The following TMEM232 variants were observed in gnomAD, a reference collection of about 807,000 sequenced individuals.
TMEM232 encodes the protein transmembrane protein 232.
TMEM232 carries 80 observed loss-of-function variants against 78.8 expected under a neutral mutation model. That is an observed-to-expected ratio of 1.01 (90% CI 0.85 to 1.22). The LOEUF is 1.22. Ranked by LOEUF, TMEM232 falls within the 50% of genes most tolerant of loss-of-function variation. The pLI is 0.00. For missense variants in TMEM232, 881 were observed against 742.2 expected (o/e 1.19, Z -2.17); for synonymous variants, 297 against 254.3 (o/e 1.17, Z -1.60).
At chr5:110,661,815 C>T (rs1789839212) in intron 2 of TMEM232, among the ~76,000 whole-genome samples, 1 of 152,208 alleles carries the variant, frequency 6.6e-6, no homozygotes, top group African/African-American at 2.4e-5. Context: ...GCATCCATTA[C>T]TGTCTTTCTA....
At chr5:110,651,218 C>T (rs1788256234) in intron 2 of TMEM232, among the ~76,000 whole-genome samples, 1 of 152,030 alleles carries the variant, frequency 6.6e-6, no homozygotes, top group Non-Finnish European at 1.5e-5. Context: ...AACAAGAACA[C>T]CATATATCAA....
rs1825930 is a variant in TMEM232, at chr5:110,505,646, A to G, written c.1703+22942T>C. ...CTCAGCCTCCCGAGCAGCTGGAACTACAGAAGTGCACAACCACGCCCTAAT... is the reference window on the plus strand; with the variant it reads ...CTCAGCCTCCCGAGCAGCTGGAACTGCAGAAGTGCACAACCACGCCCTAAT... On this transcript the variant is annotated intron_variant, in intron 12 of 13. Transcript: ENST00000455884. Among the ~76,000 whole-genome samples the G allele has an allele frequency of 8.9e-3, 1,351 of 152,160 alleles. 5 individuals carry two copies. Among genetic ancestry groups the G allele is most frequent in the Non-Finnish European group, 0.014 (981 of 67,992 alleles).
chr5:110,606,186 C>T lies in TMEM232; in HGVS notation c.1004G>A (p.Ser335Asn), dbSNP rs73224392. ...LMDVVRDFVS[S>N]IMSVQNQEES... ...TACCTGATTTTGAACAGACATAATG[C>T]TTGAAACAAAATCTCTCACTACGTC... The change falls in exon 9 of 14, where the codon AGC becomes AAC. Residue 335 changes from serine to asparagine, a missense_variant. Ser to Asn is a conservative substitution (Grantham distance 46). Transcript: ENST00000455884. 8.6e-3 allele frequency: 13,376 copies of T among 1,547,406 alleles called. 1,003 individuals carry two copies. In the African/African-American group the frequency reaches 0.16, roughly 18 times the overall value.
rs188284605 is a variant in TMEM232 at position 110,616,625 on chromosome 5, A to G, written c.902+1804T>C. Among the ~76,000 whole-genome samples the G allele has an allele frequency of 1.3e-4, 20 of 152,240 alleles. No individual in the cohort carries two copies. The East Asian group carries it at 1.4e-3, about 10-fold the overall frequency. On this transcript the variant is annotated intron_variant, in intron 8 of 13. Transcript: ENST00000455884. ...TAATAACAAGAAAACAAATAGCCCA[A>G]TGAAAAAATGGGTAAAGGACCTAAA...
Position 110,424,157 on chromosome 5 carries a change from A to G in TMEM232, c.1797+666T>C, listed in dbSNP as rs553471319. On this transcript the variant is annotated intron_variant, in intron 13 of 13. Transcript: ENST00000455884. ...GATTACTACTTAAAAGTAGTGTGAAAAAATTAATTGTTAATTTAATTGCAA... is the reference window on the plus strand; with the variant it reads ...GATTACTACTTAAAAGTAGTGTGAAGAAATTAATTGTTAATTTAATTGCAA... Among the ~76,000 whole-genome samples the G allele has an allele frequency of 1.3e-3, 203 of 152,230 alleles. 1 individual carries two copies. The highest frequency in any genetic ancestry group is 4.7e-3 in the African/African-American group (197 of 41,556).
rs183403362 is a variant in TMEM232 at position 110,676,841 on chromosome 5, C to T, written c.-12-9477G>A. 2.6e-3 allele frequency among the ~76,000 whole-genome samples: 390 copies of T among 152,046 alleles called. 1 individual carries two copies. Among genetic ancestry groups the T allele is most frequent in the Middle Eastern group, 3.4e-3 (1 of 294 alleles). ...TGGAGCAATTTCGGCTCATCGCAAC[C>T]TCCACCTCCCCGGTTCGAGCGATTC... On this transcript the variant is annotated intron_variant, in intron 1 of 13. Coordinates refer to ENST00000455884, the MANE Select transcript of TMEM232 (RefSeq NM_001039763.4).
At chr5:110,727,580 G>A (rs1254897929), upstream of TMEM232, among the ~76,000 whole-genome samples, 3 of 152,070 alleles carry the variant, frequency 2.0e-5, no homozygotes, top group East Asian at 3.9e-4. Context: ...CTGCACCCCA[G>A]CCTGGGAAAC....
chr5:110,655,721 C>T (rs1297413359), intron 2 of TMEM232, among the ~76,000 whole-genome samples: 1 of 151,574 alleles, frequency 6.6e-6, no homozygotes, highest in Non-Finnish European at 1.5e-5. Context: ...GAATACTATG[C>T]AGCCATAAAA....
intron 12 of TMEM232, among the ~76,000 whole-genome samples, chr5:110,478,647 T>C (rs764369855): frequency 5.3e-5 from 8 of 151,830 alleles, no homozygotes; most frequent in Non-Finnish European, 1.0e-4. Flanking sequence ...CTATGAAAAT[T>C]CATTTATGGG....
At chr5:110,515,419 T>C (rs1307484845) in intron 12 of TMEM232, among the ~76,000 whole-genome samples, 1 of 152,112 alleles carries the variant, frequency 6.6e-6, no homozygotes, top group African/African-American at 2.4e-5. Flanking sequence ...CATCATCCCG[T>C]CCCTTAGATG....
At chr5:110,423,208 G>A (rs1490921521) in intron 13 of TMEM232, among the ~76,000 whole-genome samples, 1 of 152,142 alleles carries the variant, frequency 6.6e-6, no homozygotes, top group African/African-American at 2.4e-5. Context: ...AACTTCAGCA[G>A]CTATGAAAAA....
At chr5:110,539,936 T>A (rs536692721) in intron 11 of TMEM232, among the ~76,000 whole-genome samples, 1 of 152,250 alleles carries the variant, frequency 6.6e-6, no homozygotes, top group East Asian at 1.9e-4. Context: ...GCAACAGCTT[T>A]GTTCTTTTGG....
intron 8 of TMEM232, among the ~76,000 whole-genome samples, chr5:110,615,077 A>G (rs1417883465): frequency 1.3e-5 from 2 of 152,026 alleles, no homozygotes; most frequent in African/African-American, 4.8e-5. Flanking sequence ...GTGAGACAGA[A>G]CAAATTATTG....
chr5:110,658,815 T>TA (rs1280727528), intron 2 of TMEM232, among the ~76,000 whole-genome samples: 1 of 152,094 alleles, frequency 6.6e-6, no homozygotes, highest in Non-Finnish European at 1.5e-5. Flanking sequence ...TTCTTTGGCT[T>TA]AAAAAAAGAC....
At chr5:110,605,418 A>G (rs1781425038) in intron 9 of TMEM232, 60 bp from the exon 10 acceptor site, 1 of 1,467,444 alleles carries the variant, frequency 6.8e-7, no homozygotes, top group Non-Finnish European at 9.1e-7. Flanking sequence ...CAATAACTAC[A>G]CAGTGTACTT....
intron 11 of TMEM232, among the ~76,000 whole-genome samples, chr5:110,537,592 C>T (rs1000357235): frequency 1.3e-5 from 2 of 152,144 alleles, no homozygotes; most frequent in Non-Finnish European, 2.9e-5. Context: ...GCATCTGCCT[C>T]CATACAGCCC....
intron 10 of TMEM232, among the ~76,000 whole-genome samples, chr5:110,593,830 T>C (rs1342062157): frequency 6.6e-6 from 1 of 152,116 alleles, no homozygotes; most frequent in Non-Finnish European, 1.5e-5. Context: ...AATTGGATTG[T>C]TTGTAACACA....
At position 110,420,775 on chromosome 5, in the gene TMEM232, G is replaced by A. The variant is rs1756549700; in HGVS notation, c.1798-19C>T. The A allele has an allele frequency of 4.0e-6, 6 of 1,488,034 alleles. No homozygotes were observed. The highest frequency in any genetic ancestry group is 2.9e-5 in the African/African-American group (2 of 69,332). 92.2% of individuals were successfully genotyped at this position (1,488,034 alleles called of 1,614,324 possible). A position where few individuals can be genotyped will look rare whatever the true frequency, so the allele number is the denominator to read the frequency against. Reference sequence around the variant, plus strand: ...CCTGCCACTGTTACAGAGAGAAAACGTCATTCACATGATTTTCCATGAAAA... The same window carrying A: ...CCTGCCACTGTTACAGAGAGAAAACATCATTCACATGATTTTCCATGAAAA... On this transcript the variant is annotated intron_variant, in intron 13 of 13. Coordinates refer to ENST00000455884, the MANE Select transcript of TMEM232 (RefSeq NM_001039763.4).
chr5:110,643,633 T>C (rs1330117253), intron 2 of TMEM232, among the ~76,000 whole-genome samples: 2 of 152,028 alleles, frequency 1.3e-5, no homozygotes, highest in African/African-American at 2.4e-5. Context: ...AGTCATGCTA[T>C]TGGAAAGAAT....
Sources: allele counts gnomAD v4.1 joint callset (sites outside exome capture counted in the v4.1 genomes callset), GRCh38; gene constraint gnomAD v4.1.1; transcripts MANE v1.5; gene names NCBI Gene and HGNC (gene_info 2026-07-23, HGNC 2026-07-21).